STARD13: variants seen among roughly 807,000 people sequenced by gnomAD.
STARD13 encodes stAR-related lipid transfer protein 13.
Under a neutral mutation model 106.4 loss-of-function variants are expected in STARD13, and 62 were observed. The ratio of observed to expected loss-of-function variants is 0.58; its 90% confidence interval spans 0.48 to 0.72. The LOEUF is 0.72. STARD13 is among the 30% of genes least tolerant of loss of function. The pLI, the probability that STARD13 is intolerant of heterozygous loss-of-function variation, is 0.00. For missense variants in STARD13, 1,387 were observed against 1,424.0 expected (o/e 0.97, Z 0.42); for synonymous variants, 565 against 553.0 (o/e 1.02, Z -0.31).
chr13:33,674,240 T>A, the STARD13 span, among the ~76,000 whole-genome samples: 3 of 152,232 alleles, frequency 2.0e-5, no homozygotes, highest in Non-Finnish European at 2.9e-5. Context: ...TCTTCATGTT[T>A]GTTCATGAAG....
the STARD13 span, among the ~76,000 whole-genome samples, chr13:33,480,497 A>T: frequency 6.6e-6 from 1 of 152,170 alleles, no homozygotes; most frequent in African/African-American, 2.4e-5. Flanking sequence ...ACCCGTGTGC[A>T]TATGTCATGG....
At chr13:33,569,080 C>G in the STARD13 span, among the ~76,000 whole-genome samples, 1 of 147,960 alleles carries the variant, frequency 6.8e-6, no homozygotes, top group Non-Finnish European at 1.5e-5. Context: ...GCAGAGTTTA[C>G]TTAAGCTTAT....
At chr13:33,227,392 C>G (rs959601353) in intron 1 of STARD13, among the ~76,000 whole-genome samples, 5 of 152,152 alleles carry the variant, frequency 3.3e-5, no homozygotes, top group African/African-American at 1.2e-4. Flanking sequence ...ATATCAATAC[C>G]TTGAAAATAC....
intron 1 of STARD13, among the ~76,000 whole-genome samples, chr13:33,326,495 G>T (rs985134529): frequency 6.6e-6 from 1 of 152,120 alleles, no homozygotes; most frequent in Admixed American, 6.5e-5. Context: ...CCTGTACTCC[G>T]ACATTAAGGG....
At chr13:33,244,059 A>G (rs1047735105) in intron 1 of STARD13, among the ~76,000 whole-genome samples, 15 of 151,646 alleles carry the variant, frequency 9.9e-5, no homozygotes, top group African/African-American at 3.4e-4. Flanking sequence ...AAATGCTTCA[A>G]AATCTGAAAG....
the STARD13 span, among the ~76,000 whole-genome samples, chr13:33,643,518 TG>T: frequency 1.3e-5 from 2 of 152,214 alleles, no homozygotes; most frequent in Non-Finnish European, 2.9e-5. Context: ...GACTCTATCT[TG>T]GGAATGTGAA....
At chr13:33,119,316 C>T (rs1478498882) in intron 7 of STARD13, among the ~76,000 whole-genome samples, 1 of 152,192 alleles carries the variant, frequency 6.6e-6, no homozygotes, top group Non-Finnish European at 1.5e-5. Context: ...CCCAGTGGCT[C>T]ATGGGTTGGC....
the STARD13 span, among the ~76,000 whole-genome samples, chr13:33,566,345 C>T: frequency 1.4e-5 from 2 of 148,134 alleles, no homozygotes; most frequent in Non-Finnish European, 3.0e-5. Context: ...TTGGTACTAT[C>T]TGCGGTTTCA....
the STARD13 span, among the ~76,000 whole-genome samples, chr13:33,399,715 A>T: frequency 6.7e-6 from 1 of 150,282 alleles, no homozygotes; most frequent in East Asian, 1.9e-4. Context: ...AAAAAAAAAA[A>T]AAAAAAAAAA....
At chr13:33,365,353 A>G in the STARD13 span, among the ~76,000 whole-genome samples, 8 of 152,222 alleles carry the variant, frequency 5.3e-5, no homozygotes, top group African/African-American at 1.9e-4. Flanking sequence ...AGCAAAGGGA[A>G]CTAGGCAAAA....
the STARD13 span, among the ~76,000 whole-genome samples, chr13:33,568,608 T>C: frequency 6.8e-6 from 1 of 147,982 alleles, no homozygotes; most frequent in South Asian, 2.2e-4. Flanking sequence ...TGCCTGCCAT[T>C]GGACACTAAA....
the STARD13 span, among the ~76,000 whole-genome samples, chr13:33,552,882 TTATC>T: frequency 6.6e-6 from 1 of 152,118 alleles, no homozygotes; most frequent in Admixed American, 6.6e-5. Context: ...ATTCTAAAGT[TTATC>T]TGGAAGATTA....
the STARD13 span, among the ~76,000 whole-genome samples, chr13:33,395,925 T>G: frequency 6.6e-6 from 1 of 152,186 alleles, no homozygotes. Context: ...CATTGCAGCC[T>G]CGAATCCCTG....
chr13:33,612,233 A>C, the STARD13 span, among the ~76,000 whole-genome samples: 1 of 152,178 alleles, frequency 6.6e-6, no homozygotes, highest in African/African-American at 2.4e-5. Flanking sequence ...CCCCTACCCT[A>C]AACAGTGCCT....
intron 1 of STARD13, among the ~76,000 whole-genome samples, chr13:33,230,490 A>G (rs1034346189): frequency 6.6e-6 from 1 of 152,230 alleles, no homozygotes; most frequent in Non-Finnish European, 1.5e-5. Flanking sequence ...TTCATTTTAA[A>G]CAAACATTCA....
the STARD13 span, among the ~76,000 whole-genome samples, chr13:33,599,007 A>C: frequency 6.6e-6 from 1 of 152,218 alleles, no homozygotes; most frequent in Non-Finnish European, 1.5e-5. Context: ...TTTGGGAGTG[A>C]TATCTACAAG....
intron 1 of STARD13, among the ~76,000 whole-genome samples, chr13:33,267,544 C>T (rs972706625): frequency 2.0e-5 from 3 of 152,100 alleles, no homozygotes; most frequent in South Asian, 2.1e-4. Context: ...TATTTGAATG[C>T]GTTGTTATAT....
the STARD13 span, among the ~76,000 whole-genome samples, chr13:33,365,772 C>T: frequency 3.3e-5 from 5 of 152,104 alleles, no homozygotes; most frequent in South Asian, 2.1e-4. Context: ...ACATTTTGCT[C>T]GGATTGTCTT....
intron 1 of STARD13, among the ~76,000 whole-genome samples, chr13:33,339,331 C>T (rs1216035113): frequency 1.3e-5 from 2 of 152,146 alleles, no homozygotes; most frequent in African/African-American, 4.8e-5. Flanking sequence ...TGCCCTAATA[C>T]CACCAACGCT....
Sources: gnomAD v4.1 joint callset for allele counts (sites outside exome capture counted in the v4.1 genomes callset) on GRCh38, gnomAD v4.1.1 for gene constraint, MANE v1.5 for transcripts, NCBI Gene and HGNC (gene_info 2026-07-23, HGNC 2026-07-21) for gene names.